Variants in IFT46 observed in about 807,000 individuals in gnomAD.
IFT46 encodes the protein intraflagellar transport 46, also known as intraflagellar transport protein 46 homolog.
IFT46 carries 19 observed loss-of-function variants against 39.6 expected under a neutral mutation model. The observed-to-expected ratio is 0.48, with a 90% CI of 0.33 to 0.70. The LOEUF is 0.70. Among genes scored for constraint, IFT46 ranks in the 30% least tolerant of loss-of-function variants. IFT46 has a pLI of 0.01. For synonymous variants in IFT46, 117 were observed against 134.8 expected (o/e 0.87, Z 0.91); for missense variants, 334 against 364.8 (o/e 0.92, Z 0.69).
chr11:118,547,442 G>A (rs141205514), intron 9 of IFT46, among the ~76,000 whole-genome samples: 382 of 152,166 alleles, frequency 2.5e-3, no homozygotes, highest in African/African-American at 8.5e-3. Flanking sequence ...TTTTTGAGAC[G>A]GAGTCTTGCT....
upstream of IFT46, chr11:118,573,474 T>A (rs993329131): frequency 2.0e-6 from 1 of 490,020 alleles, no homozygotes; most frequent in Non-Finnish European, 3.7e-6. Context: ...CAATCTTCCT[T>A]TATCGCTGTG....
chr11:118,567,404 C>T (rs1017193643), upstream of IFT46, among the ~76,000 whole-genome samples: 1 of 151,924 alleles, frequency 6.6e-6, no homozygotes, highest in Admixed American at 6.6e-5. Context: ...GTGAAACCCC[C>T]GTCTCTACTA....
chr11:118,576,426 TA>T (rs10671866), upstream of IFT46, among the ~76,000 whole-genome samples: 56 of 108,772 alleles, frequency 5.1e-4, no homozygotes, highest in Admixed American at 2.0e-3. Flanking sequence ...CCAAAAATGT[TA>T]AAAAAAAAAA....
intron 9 of IFT46, among the ~76,000 whole-genome samples, chr11:118,551,227 A>C (rs782454033): frequency 4.0e-5 from 6 of 151,454 alleles, no homozygotes; most frequent in Non-Finnish European, 5.9e-5. Flanking sequence ...AAAAATTAGC[A>C]TGGTGGCATG....
chr11:118,567,093 A>T (rs575668223), upstream of IFT46, among the ~76,000 whole-genome samples: 164 of 151,936 alleles, frequency 1.1e-3, no homozygotes, highest in African/African-American at 3.8e-3. Context: ...ATAAAAAAAA[A>T]ATTTTTTTTA....
chr11:118,570,964 C>A (rs1010087596), upstream of IFT46, among the ~76,000 whole-genome samples: 4 of 152,044 alleles, frequency 2.6e-5, no homozygotes, highest in Non-Finnish European at 1.5e-5. Context: ...TGACCTTTAA[C>A]CCCTGGTCTC....
chr11:118,556,335 C>CA (rs1457655576), intron 4 of IFT46, among the ~76,000 whole-genome samples: 1 of 151,586 alleles, frequency 6.6e-6, no homozygotes, highest in Non-Finnish European at 1.5e-5. Context: ...ATTAAAAATA[C>CA]AAAAAAAATT....
At chr11:118,573,971 G>C (rs1056802193), upstream of IFT46, among the ~76,000 whole-genome samples, 1 of 152,066 alleles carries the variant, frequency 6.6e-6, no homozygotes, top group Non-Finnish European at 1.5e-5. Flanking sequence ...TAATAGTAAA[G>C]TTAAGGTCTT....
intron 1 of IFT46, among the ~76,000 whole-genome samples, chr11:118,571,725 C>G (rs911476182): frequency 6.6e-6 from 1 of 152,170 alleles, no homozygotes; most frequent in Admixed American, 6.5e-5. Context: ...GTGTTTTCTA[C>G]TCCCTCCATT....
intron 3 of IFT46, among the ~76,000 whole-genome samples, chr11:118,558,060 A>G (rs1937901207): frequency 6.6e-6 from 1 of 152,224 alleles, no homozygotes. Flanking sequence ...GTTACAGGAC[A>G]CCAAAAACTG....
chr11:118,568,267 G>T (rs1451656130), upstream of IFT46, among the ~76,000 whole-genome samples: 5 of 152,054 alleles, frequency 3.3e-5, no homozygotes, highest in Non-Finnish European at 7.4e-5. Context: ...AATTAAAATT[G>T]GGCCAGGTGA....
intron 9 of IFT46, among the ~76,000 whole-genome samples, chr11:118,550,522 T>C (rs907506416): frequency 7.9e-5 from 12 of 152,088 alleles, no homozygotes; most frequent in African/African-American, 2.9e-4. Context: ...AGTTTCCTTA[T>C]GCTGCCCACG....
At chr11:118,572,391 A>T (rs1938360300) in intron 1 of IFT46, 3 of 185,314 alleles carry the variant, frequency 1.6e-5, no homozygotes, top group Non-Finnish European at 3.2e-5. Flanking sequence ...CCGGTTGAAG[A>T]CGTGGCTTGG....
At chr11:118,550,465 ACT>A (rs1200063998) in intron 9 of IFT46, among the ~76,000 whole-genome samples, 2 of 151,302 alleles carry the variant, frequency 1.3e-5, no homozygotes, top group East Asian at 1.9e-4. Context: ...TTTTACAATA[ACT>A]CTTTTTTTCC....
intron 3 of IFT46, 62 bp downstream of exon 3, chr11:118,559,723 C>A: frequency 1.6e-6 from 2 of 1,277,328 alleles, no homozygotes; most frequent in South Asian, 2.4e-5. Context: ...GAACTGGTGT[C>A]ATCTCTAACT....
chr11:118,575,977 T>G (rs1332039976), upstream of IFT46, among the ~76,000 whole-genome samples: 4 of 151,490 alleles, frequency 2.6e-5, no homozygotes, highest in South Asian at 2.1e-4. Context: ...TGTAGTTGTT[T>G]TTTTTTTTTT....
intron 2 of IFT46, among the ~76,000 whole-genome samples, chr11:118,562,791 T>C (rs1555070782): frequency 2.0e-5 from 3 of 152,104 alleles, no homozygotes; most frequent in African/African-American, 7.2e-5. Context: ...ATAGGCTTGG[T>C]GCGGTGGCTC....
At chr11:118,547,177 C>T (rs1951706657) in intron 9 of IFT46, 1 of 152,168 alleles carries the variant, frequency 6.6e-6, no homozygotes, top group South Asian at 2.1e-4. Flanking sequence ...TTTCCAAATT[C>T]TGTGTGTTTA....
At chr11:118,547,507 T>C (rs564836357) in intron 9 of IFT46, among the ~76,000 whole-genome samples, 3 of 152,062 alleles carry the variant, frequency 2.0e-5, no homozygotes, top group Non-Finnish European at 4.4e-5. Flanking sequence ...CAACCTCCAC[T>C]TCCTGGATTC....
Sources: gnomAD v4.1 joint callset for allele counts (sites outside exome capture counted in the v4.1 genomes callset) on GRCh38, gnomAD v4.1.1 for gene constraint, MANE v1.5 for transcripts, NCBI Gene and HGNC (gene_info 2026-07-23, HGNC 2026-07-21) for gene names.